CADM1: variants seen among roughly 807,000 people sequenced by gnomAD.
CADM1 encodes the protein TSLC-1.
CADM1 carries 15 observed loss-of-function variants against 53.1 expected under a neutral mutation model. That is an observed-to-expected ratio of 0.28 (90% CI 0.19 to 0.44). The LOEUF (loss-of-function observed/expected upper bound fraction) is 0.44, where lower values mean the gene tolerates loss of function less well. CADM1 is among the 20% of genes least tolerant of loss of function. CADM1 has a pLI of 1.00. For synonymous variants in CADM1, 281 were observed against 243.0 expected (o/e 1.16, Z -1.45); for missense variants, 434 against 611.3 (o/e 0.71, Z 3.06).
chr11:115,332,447 T>C (rs1945156397), intron 1 of CADM1, among the ~76,000 whole-genome samples: 1 of 152,192 alleles, frequency 6.6e-6, no homozygotes, highest in African/African-American at 2.4e-5. Context: ...ATCTGGGTAT[T>C]AGTAAAGCCA....
At chr11:115,497,703 T>C (rs1312546653) in intron 1 of CADM1, among the ~76,000 whole-genome samples, 1 of 152,218 alleles carries the variant, frequency 6.6e-6, no homozygotes, top group African/African-American at 2.4e-5. Context: ...GTGGGTTCCT[T>C]CCTTCATTGA....
At chr11:115,419,116 A>G (rs957084768) in intron 1 of CADM1, among the ~76,000 whole-genome samples, 5 of 152,224 alleles carry the variant, frequency 3.3e-5, no homozygotes, top group African/African-American at 4.8e-5. Context: ...CTGCTACAGA[A>G]GCATATGCTA....
At chr11:115,500,003 T>C (rs1949697775) in intron 1 of CADM1, among the ~76,000 whole-genome samples, 2 of 151,916 alleles carry the variant, frequency 1.3e-5, no homozygotes, top group South Asian at 4.2e-4. Flanking sequence ...ACACACACAC[T>C]GATACCATTA....
At chr11:115,294,064 T>G (rs1943981425) in intron 1 of CADM1, among the ~76,000 whole-genome samples, 1 of 152,062 alleles carries the variant, frequency 6.6e-6, no homozygotes, top group Non-Finnish European at 1.5e-5. Flanking sequence ...CAGTTTGGAG[T>G]ATTAGGTGGG....
At chr11:115,501,772 G>C (rs1343962789) in intron 1 of CADM1, among the ~76,000 whole-genome samples, 1 of 152,138 alleles carries the variant, frequency 6.6e-6, no homozygotes, top group African/African-American at 2.4e-5. Flanking sequence ...AACCCTGGGA[G>C]TGGGAACTGG....
chr11:115,254,470 C>A (rs886210490), intron 1 of CADM1, among the ~76,000 whole-genome samples: 1 of 151,588 alleles, frequency 6.6e-6, no homozygotes, highest in African/African-American at 2.4e-5. Context: ...TGGAAGGAAA[C>A]AGGCCTTAGT....
At chr11:115,493,900 G>A (rs1949552572) in intron 1 of CADM1, among the ~76,000 whole-genome samples, 1 of 152,156 alleles carries the variant, frequency 6.6e-6, no homozygotes. Flanking sequence ...TAGATTAAAA[G>A]AGACTAGAGA....
At chr11:115,323,251 A>T (rs1944870540) in intron 1 of CADM1, among the ~76,000 whole-genome samples, 1 of 152,170 alleles carries the variant, frequency 6.6e-6, no homozygotes, top group South Asian at 2.1e-4. Flanking sequence ...AATGTATTAT[A>T]ATTTTGAGCA....
intron 1 of CADM1, among the ~76,000 whole-genome samples, chr11:115,415,477 T>A (rs895090656): frequency 9.2e-5 from 14 of 152,144 alleles, no homozygotes; most frequent in Admixed American, 7.9e-4. Context: ...AGAGAAGACA[T>A]ATGCAAGGCA....
At chr11:115,261,325 A>G (rs1342071164) in intron 1 of CADM1, among the ~76,000 whole-genome samples, 2 of 152,206 alleles carry the variant, frequency 1.3e-5, no homozygotes, top group East Asian at 3.9e-4. Context: ...GAACCCATAC[A>G]TTAAGAGTCC....
At chr11:115,225,340 C>G (rs1454861207) in intron 5 of CADM1, among the ~76,000 whole-genome samples, 1 of 151,844 alleles carries the variant, frequency 6.6e-6, no homozygotes, top group Admixed American at 6.6e-5. Context: ...TTCACTGATT[C>G]TGAAGGGGTC....
chr11:115,449,700 C>T (rs1228990671), intron 1 of CADM1, among the ~76,000 whole-genome samples: 5 of 152,104 alleles, frequency 3.3e-5, no homozygotes, highest in South Asian at 4.2e-4. Context: ...ACAATGCCAC[C>T]GAAAATGCTT....
intron 1 of CADM1, among the ~76,000 whole-genome samples, chr11:115,350,806 G>C (rs1945713341): frequency 1.3e-5 from 2 of 150,978 alleles, no homozygotes; most frequent in Admixed American, 1.3e-4. Context: ...ACAAAAACAA[G>C]AAAATCACAT....
chr11:115,344,034 G>A (rs1362388963), intron 1 of CADM1, among the ~76,000 whole-genome samples: 2 of 152,096 alleles, frequency 1.3e-5, no homozygotes, highest in Admixed American at 6.6e-5. Context: ...AAATTTAAAA[G>A]TTGTAGACAG....
chr11:115,312,643 TC>T (rs1191137454), intron 1 of CADM1, among the ~76,000 whole-genome samples: 1 of 152,102 alleles, frequency 6.6e-6, no homozygotes, highest in African/African-American at 2.4e-5. Context: ...TGATTTCTTG[TC>T]CCCACCTTAC....
chr11:115,234,579 G>T (rs1941944164), intron 3 of CADM1, among the ~76,000 whole-genome samples: 1 of 152,138 alleles, frequency 6.6e-6, no homozygotes, highest in Non-Finnish European at 1.5e-5. Context: ...AGGTAAAAAT[G>T]TGGAAAACTT....
intron 1 of CADM1, among the ~76,000 whole-genome samples, chr11:115,464,694 G>A (rs1245004527): frequency 1.3e-5 from 2 of 152,190 alleles, no homozygotes; most frequent in Non-Finnish European, 2.9e-5. Flanking sequence ...GTGGCATTAA[G>A]GGGGAATAAA....
At chr11:115,445,580 A>G (rs1948430827) in intron 1 of CADM1, among the ~76,000 whole-genome samples, 1 of 152,178 alleles carries the variant, frequency 6.6e-6, no homozygotes, top group Non-Finnish European at 1.5e-5. Context: ...TCAGTGGCTC[A>G]GGCCTGTAAT....
chr11:115,239,208 C>T (rs1385339248), intron 2 of CADM1, among the ~76,000 whole-genome samples: 1 of 152,070 alleles, frequency 6.6e-6, no homozygotes. Flanking sequence ...ACAAAAGCAA[C>T]ATGAAAAATT....
Sources: gnomAD v4.1 joint callset for allele counts (sites outside exome capture counted in the v4.1 genomes callset) on GRCh38, gnomAD v4.1.1 for gene constraint, MANE v1.5 for transcripts, NCBI Gene and HGNC (gene_info 2026-07-23, HGNC 2026-07-21) for gene names.